The following PRRC2A variants were observed in gnomAD, a reference collection of about 807,000 sequenced individuals.
PRRC2A encodes the protein proline rich coiled-coil 2A.
A neutral mutation model predicts 224.6 loss-of-function variants in PRRC2A; 59 were observed. The ratio of observed to expected loss-of-function variants is 0.26; its 90% CI spans 0.21 to 0.33. PRRC2A has a LOEUF of 0.33. Among genes scored for constraint, PRRC2A ranks in the 10% least tolerant of loss-of-function variants. The pLI is 1.00. For synonymous variants in PRRC2A, 1,194 were observed against 1,109.5 expected, an observed-to-expected ratio of 1.08 and a Z score of -1.51; for missense variants, 3,095 against 2,880.7, an observed-to-expected ratio of 1.07 and a Z score of -1.70.
In PRRC2A at chr6:31,630,817, G is replaced by A. The variant is rs1423136808; in HGVS notation, c.2465+16G>A. On this transcript the variant is annotated intron_variant, in intron 15 of 30. Transcript: ENST00000376033. ...AGGGGATGAGGTGAGTCTTGGTCAT[G>A]AGAAATGGGTGAGTTCACAGTGAAA... 1 of 1,612,732 alleles carries A rather than the reference G, an allele frequency of 6.2e-7. No individual in the cohort carries two copies. Among genetic ancestry groups the A allele is most frequent in the African/African-American group, 1.3e-5 (1 of 75,032 alleles).
intron 14 of PRRC2A, 87 bp downstream of exon 14, chr6:31,629,932 G>T: frequency 1.9e-6 from 3 of 1,558,284 alleles, no homozygotes; most frequent in Non-Finnish European, 1.7e-6. Flanking sequence ...ACTCTGGTAC[G>T]ATAGGTTTTG....
Position 31,635,058 on chromosome 6 carries a change from G to T in PRRC2A, c.5161-74G>T, listed in dbSNP as rs578083569. The T allele has an allele frequency of 4.1e-5, 65 of 1,599,698 alleles. No individual in the cohort carries two copies. The Admixed American group carries it at 1.1e-3, about 27-fold the overall frequency. On this transcript the variant is annotated intron_variant, in intron 21 of 30. Transcript: ENST00000376033. Reference sequence around the variant, plus strand: ...ACCTTTTTCTGCTTTTTCTCTCTGCGTGTGTGTTCTGGGCATTCCAATTTG... The same window carrying T: ...ACCTTTTTCTGCTTTTTCTCTCTGCTTGTGTGTTCTGGGCATTCCAATTTG...
intron 5 of PRRC2A, among the ~76,000 whole-genome samples, 185 bp downstream of exon 5, chr6:31,624,707 C>T (rs2150496780): frequency 6.6e-6 from 1 of 152,256 alleles, no homozygotes; most frequent in South Asian, 2.1e-4. Context: ...GTAGTGGTGC[C>T]AGAACTGACC....
rs116181516 is a variant in PRRC2A, at chr6:31,629,195, C to T, written c.1817C>T (p.Pro606Leu). 60 of 1,614,040 alleles carry T rather than the reference C, an allele frequency of 3.7e-5. No individual in the cohort carries two copies. In the East Asian group the frequency reaches 9.4e-4, roughly 25 times the overall value. ...KEGPEPPEEV[P>L]PPTTPPVPKV... ...GGTCCTGAACCACCAGAAGAGGTTCCTCCTCCTACCACACCCCCAGTTCCA... is the reference window on the plus strand; with the variant it reads ...GGTCCTGAACCACCAGAAGAGGTTCTTCCTCCTACCACACCCCCAGTTCCA... The change falls in exon 13 of 31, where the codon CCT (proline) becomes CTT (leucine). Residue 606 changes from proline to leucine, a missense_variant. Transcript: ENST00000376033.
At chr6:31,630,924 C>A in intron 15 of PRRC2A, 123 bp downstream of exon 15, 1 of 1,339,676 alleles carries the variant, frequency 7.5e-7, no homozygotes, top group Non-Finnish European at 1.0e-6. Context: ...GATGGAGTGG[C>A]TCATGCCTGT....
chr6:31,637,405 TCTCA>T, intron 30 of PRRC2A, 37 bp from the exon 31 acceptor site: 1 of 1,603,980 alleles, frequency 6.2e-7, no homozygotes, highest in Non-Finnish European at 8.5e-7. Flanking sequence ...ATCGCTGACC[TCTCA>T]CTGTGACTCA....
chr6:31,628,327 G>A, intron 12 of PRRC2A, 88 bp downstream of exon 12: 1 of 1,473,082 alleles, frequency 6.8e-7, no homozygotes, highest in Non-Finnish European at 8.9e-7. Context: ...GGGGATAAAT[G>A]AAGTAGAAGG....
intron 29 of PRRC2A, 29 bp downstream of exon 29, chr6:31,637,165 C>T (rs926901041): frequency 8.1e-6 from 13 of 1,608,576 alleles, no homozygotes; most frequent in Admixed American, 3.3e-5. Context: ...GTGGACTTTC[C>T]AAGTGCTTCC....
rs1777614042 is a variant in PRRC2A, at chr6:31,637,452, C to T, written c.6340C>T (p.Pro2114Ser). ...ACACATGCCTGTCCCCTAGGCCTCC[C>T]CACCAGATGCCCTGCGCTGGATACC... ...QRVDLYQQAS[P>S]PDALRWIPKP... Residue 2114 changes from proline (P) to serine (S), a missense_variant, in exon 31 of 31, where the codon CCA becomes TCA. Physicochemically the swap from Pro to Ser is moderately conservative, Grantham distance 74 (BLOSUM62 -1). Around this residue, in one of 8 missense-constraint regions of PRRC2A, gnomAD observed 662 missense variants for 609.5 expected, o/e 1.09. Coordinates refer to ENST00000376033, the MANE Select transcript of PRRC2A (RefSeq NM_004638.4). 2 of 1,579,066 alleles carry T rather than the reference C, an allele frequency of 1.3e-6. No homozygotes were observed. The highest frequency in any genetic ancestry group is 1.7e-6 in the Non-Finnish European group (2 of 1,160,166).
rs1006854428 is a variant in PRRC2A at position 31,630,265 on chromosome 6, C to T, written c.2255-326C>T. On this transcript the variant is annotated intron_variant, in intron 14 of 30. Transcript: ENST00000376033. ...CCAGGAGGTGGAGGTTGTAGTGAGC[C>T]GAGATTGTGCCATCGCACTCCAGCT... is the stretch of plus-strand genomic sequence containing the variant. Among the ~76,000 whole-genome samples, 11 of 152,134 alleles carry T rather than the reference C, an allele frequency of 7.2e-5. No homozygotes were observed. The South Asian group carries it at 1.0e-3, about 14-fold the overall frequency.
In PRRC2A at chr6:31,627,520, A is replaced by G. The variant is rs940455537; in HGVS notation, c.1291-245A>G. On this transcript the variant is annotated intron_variant, in intron 11 of 30. Coordinates refer to ENST00000376033, the MANE Select transcript of PRRC2A (RefSeq NM_004638.4). This position sits in a 1 kb window ranked among gnomAD's most constrained non-coding sequence, Gnocchi z 5.6. ...ATCTGTTAGTATGCATCAGTAGTCCAAGCTACTCAGCAGGCTGAAGCAGAA... is the reference window on the plus strand; with the variant it reads ...ATCTGTTAGTATGCATCAGTAGTCCGAGCTACTCAGCAGGCTGAAGCAGAA... Among the ~76,000 whole-genome samples the G allele has an allele frequency of 6.6e-6, 1 of 152,184 alleles. No homozygotes were observed. The highest frequency in any genetic ancestry group is 2.4e-5 in the African/African-American group (1 of 41,446).
intron 2 of PRRC2A, 77 bp from the exon 3 acceptor site, chr6:31,623,655 A>G (rs1775567812): frequency 6.8e-6 from 10 of 1,478,486 alleles, no homozygotes; most frequent in Non-Finnish European, 9.3e-6. Flanking sequence ...CAACATGTAT[A>G]AATGTGTCCC....
At chr6:31,633,335 T>G (rs1776901066) in intron 16 of PRRC2A, 44 bp from the exon 17 acceptor site, 1 of 1,575,856 alleles carries the variant, frequency 6.3e-7, no homozygotes, top group Admixed American at 1.8e-5. Context: ...TGGGAAAAAG[T>G]AACGATTTAG....
intron 21 of PRRC2A, 67 bp downstream of exon 21, chr6:31,635,044 C>T: frequency 6.3e-6 from 10 of 1,596,934 alleles, no homozygotes; most frequent in Admixed American, 1.7e-5. Context: ...CCTTTTTCTG[C>T]TTTTTCTCTC....
intron 14 of PRRC2A, 116 bp downstream of exon 14, chr6:31,629,961 G>C: frequency 6.7e-7 from 1 of 1,495,452 alleles, no homozygotes; most frequent in South Asian, 1.3e-5. Context: ...AGTGATGAGG[G>C]AAGGGCATAT....
At position 31,625,515 on chromosome 6, in the gene PRRC2A, G is replaced by A. The variant is rs146068659; in HGVS notation, c.663G>A (p.Pro221=). ...GGRGPDELEG[P]DSKLHHGHDP... is the part of the protein sequence containing the mutation. The stretch of plus-strand genomic sequence containing the variant: ...GTGGCCCTGATGAGCTGGAGGGCCC[G>A]GACTCCAAACTTCATCATGGTCATG... The change falls in exon 7 of 31, where the codon CCG becomes CCA. Residue 221 remains proline (P), a synonymous_variant. Coordinates refer to ENST00000376033, the MANE Select transcript of PRRC2A (RefSeq NM_004638.4). The surrounding 1 kb of genome is among the most constrained non-coding windows in gnomAD (Gnocchi z 4.1). 4.4e-6 allele frequency: 7 copies of A among 1,582,418 alleles called. No homozygotes were observed. The highest frequency in any genetic ancestry group is 1.7e-5 in the Admixed American group (1 of 57,958).
Position 31,627,111 on chromosome 6 carries a change from A to T in PRRC2A, c.1203A>T (p.Thr401=). 6.2e-7 allele frequency: 1 copy of T among 1,614,074 alleles called. No individual in the cohort carries two copies. The highest frequency in any genetic ancestry group is 8.5e-7 in the Non-Finnish European group (1 of 1,179,994). The change falls in exon 11 of 31, where the codon ACA becomes ACT. Residue 401 remains threonine, a synonymous_variant. Coordinates refer to ENST00000376033, the MANE Select transcript of PRRC2A (RefSeq NM_004638.4). The surrounding 1 kb of genome is among the most constrained non-coding windows in gnomAD (Gnocchi z 5.6). ...CAGAAACCTCTCGGCCTCCAGAGAC[A>T]GAGCCGGGACCTCCTGCCCCAAAGC... ...AWAETSRPPE[T]EPGPPAPKPP...
rs773245902 is a variant in PRRC2A at position 31,632,790 on chromosome 6, C to G, written c.4117C>G (p.Leu1373Val). The G allele has an allele frequency of 1.9e-6, 3 of 1,613,116 alleles. No individual in the cohort carries two copies. The highest frequency in any genetic ancestry group is 2.2e-5 in the East Asian group (1 of 44,886). The change falls in exon 16 of 31, where the codon CTG (leucine) becomes GTG (valine). Residue 1373 changes from leucine to valine, a missense_variant. Transcript: ENST00000376033. ...TATTTCAGCCATGTCCCGCGGAGAT[C>G]TGAGCCAGAGAGCCAAGGATTTGAG... ...PGISAMSRGD[L>V]SQRAKDLSKR... is the part of the protein sequence containing the mutation.
chr6:31,633,941 C>G lies in PRRC2A; in HGVS notation c.4671C>G (p.Pro1557=). The G allele has an allele frequency of 6.3e-7, 1 of 1,598,210 alleles. No homozygotes were observed. ...ACTCTGCCGGGGTTAGTCCCTTTCC[C>G]CCTAAACGTCGGGAGCGGCCTCCCA... The part of the protein sequence containing the change: ...PRDSAGVSPF[P]PKRRERPPRK... Residue 1557 remains proline, a synonymous_variant, in exon 18 of 31, where the codon CCC becomes CCG. Coordinates refer to ENST00000376033, the MANE Select transcript of PRRC2A (RefSeq NM_004638.4).
Sources: allele counts gnomAD v4.1 joint callset (sites outside exome capture counted in the v4.1 genomes callset), GRCh38; gene constraint gnomAD v4.1.1; regional missense constraint gnomAD v4.1.1; non-coding constraint Gnocchi (gnomAD v3.1); transcripts MANE v1.5; gene names NCBI Gene and HGNC (gene_info 2026-07-23, HGNC 2026-07-21).